Variants in FLNB observed in about 807,000 individuals in gnomAD.
The protein encoded by FLNB is filamin-B.
FLNB carries 111 observed loss-of-function variants against 250.6 expected under a neutral mutation model. That is an observed-to-expected ratio of 0.44 (90% CI 0.38 to 0.52). The LOEUF (loss-of-function observed/expected upper bound fraction) is 0.52, where lower values mean the gene tolerates loss of function less well. Among genes scored for constraint, FLNB ranks in the 20% least tolerant of loss-of-function variants. The pLI, the probability that FLNB is intolerant of heterozygous loss-of-function variation, is 0.00. For missense variants in FLNB, 2,869 were observed against 3,447.8 expected (o/e 0.83, Z 4.20); for synonymous variants, 1,302 against 1,372.1 (o/e 0.95, Z 1.13).
intron 4 of FLNB, among the ~76,000 whole-genome samples, chr3:58,092,235 T>C (rs758520145): frequency 1.4e-4 from 21 of 152,200 alleles, no homozygotes; most frequent in Non-Finnish European, 2.5e-4. Flanking sequence ...TTAATACTGA[T>C]AACACTAAAT....
intron 24 of FLNB, among the ~76,000 whole-genome samples, chr3:58,127,449 T>G (rs1347238963): frequency 6.6e-6 from 1 of 152,252 alleles, no homozygotes; most frequent in African/African-American, 2.4e-5. Context: ...ATATGCAGAT[T>G]CAAATTCTTT....
At position 58,168,485 on chromosome 3, in the gene FLNB, G is replaced by A; in HGVS notation, c.7244G>A (p.Gly2415Glu). 1 of 1,614,180 alleles carries A rather than the reference G, an allele frequency of 6.2e-7. No individual in the cohort carries two copies. The highest frequency in any genetic ancestry group is 8.5e-7 in the Non-Finnish European group (1 of 1,180,030). Reference protein sequence around the residue: ...FFINTTRAGPGTLSVTIEGPS... With the variant: ...FFINTTRAGPETLSVTIEGPS... ...ATTAACACCACCCGAGCAGGTCCAGGGACATTATCCGTCACCATCGAAGGC... is the reference window on the plus strand; with the variant it reads ...ATTAACACCACCCGAGCAGGTCCAGAGACATTATCCGTCACCATCGAAGGC... The change falls in exon 44 of 46, where the codon GGG (glycine) becomes GAG (glutamate). Residue 2415 changes from glycine (G) to glutamate (E), a missense_variant. Transcript: ENST00000295956.
intron 6 of FLNB, among the ~76,000 whole-genome samples, chr3:58,096,989 G>A (rs1382928514): frequency 6.6e-6 from 1 of 151,852 alleles, no homozygotes; most frequent in East Asian, 1.9e-4. Flanking sequence ...GCAGCCTTTC[G>A]AGTTCTGTTT....
intron 1 of FLNB, among the ~76,000 whole-genome samples, chr3:58,044,575 T>C (rs1247821471): frequency 1.3e-5 from 2 of 152,170 alleles, no homozygotes; most frequent in Admixed American, 1.3e-4. Flanking sequence ...CAGCAAGCTG[T>C]GATCACACCT....
At chr3:58,042,914 C>T (rs1213222869) in intron 1 of FLNB, among the ~76,000 whole-genome samples, 1 of 152,074 alleles carries the variant, frequency 6.6e-6, no homozygotes, top group East Asian at 1.9e-4. Flanking sequence ...TGATGGTTAG[C>T]AGGGTGCTGA....
rs79525716 is a variant in FLNB at position 58,054,078 on chromosome 3, A to C, written c.293-22968A>C. 9.5e-3 allele frequency among the ~76,000 whole-genome samples: 1,454 copies of C among 152,262 alleles called. 24 individuals are homozygous for C. Among genetic ancestry groups the C allele is most frequent in the East Asian group, 0.055 (285 of 5,186 alleles). On this transcript the variant is annotated intron_variant, in intron 1 of 45. Transcript: ENST00000295956. ...GGCAAAGAAGGGCCCAGTAGTGGGA[A>C]GTGCAGGAGTGTGAGAGTGCCTGGA...
intron 1 of FLNB, among the ~76,000 whole-genome samples, chr3:58,045,568 G>A (rs770476958): frequency 6.6e-6 from 1 of 152,220 alleles, no homozygotes; most frequent in African/African-American, 2.4e-5. Flanking sequence ...GAAGCCAAGA[G>A]ATTGGACACC....
intron 1 of FLNB, among the ~76,000 whole-genome samples, chr3:58,045,914 C>G (rs1156578404): frequency 1.3e-5 from 2 of 149,178 alleles, no homozygotes; most frequent in African/African-American, 5.0e-5. Context: ...GCAGGATAAT[C>G]CCTTGAACCC....
At chr3:58,087,089 G>A (rs985813814) in intron 4 of FLNB, among the ~76,000 whole-genome samples, 18 of 147,074 alleles carry the variant, frequency 1.2e-4, no homozygotes, top group African/African-American at 3.8e-4. Flanking sequence ...CCAGGCTGGC[G>A]ACAGAGCTAG....
intron 8 of FLNB, among the ~76,000 whole-genome samples, chr3:58,100,373 A>AAATATATATATATATATATAT: frequency 1.1e-3 from 114 of 104,334 alleles, no homozygotes; most frequent in African/African-American, 4.7e-3. Context: ...GTAAAAAAAA[A>AAATATATATATATATATATAT]ATATATATAT....
Position 58,043,639 on chromosome 3 carries a change from C to T in FLNB, c.293-33407C>T, listed in dbSNP as rs995371313. Among the ~76,000 whole-genome samples, 8 of 152,268 alleles carry T rather than the reference C, an allele frequency of 5.3e-5. No individual in the cohort carries two copies. The East Asian group carries it at 1.5e-3, about 29-fold the overall frequency. On this transcript the variant is annotated intron_variant, in intron 1 of 45. Coordinates refer to ENST00000295956, the MANE Select transcript of FLNB (RefSeq NM_001457.4). ...CATTCATTTTGGCTCTATGTGGTGG[C>T]AGAAGGGCTTCTGGCATCTCTGGAC...
intron 3 of FLNB, among the ~76,000 whole-genome samples, chr3:58,080,241 A>G (rs938782688): frequency 2.6e-5 from 4 of 152,202 alleles, no homozygotes; most frequent in African/African-American, 7.2e-5. Context: ...TGGGGAGGGA[A>G]GTTGGACACA....
At chr3:58,128,469 C>T (rs1165404497) in intron 24 of FLNB, among the ~76,000 whole-genome samples, 1 of 152,166 alleles carries the variant, frequency 6.6e-6, no homozygotes, top group Non-Finnish European at 1.5e-5. Context: ...TTCCTGCCCT[C>T]AGGGAGCTTA....
In FLNB at chr3:58,123,355, C is replaced by G. The variant is rs370774343; in HGVS notation, c.3389C>G (p.Pro1130Arg). 2 of 1,614,024 alleles carry G rather than the reference C, an allele frequency of 1.2e-6. No individual in the cohort carries two copies. The highest frequency in any genetic ancestry group is 1.7e-6 in the Non-Finnish European group (2 of 1,180,028). The change falls in exon 21 of 46, where the codon CCC becomes CGC. Residue 1130 changes from proline (P) to arginine (R), a missense_variant. Around this residue, in one of 5 missense-constraint regions of FLNB, gnomAD observed 1,348 missense variants for 1,466.7 expected, o/e 0.92. Coordinates refer to ENST00000295956, the MANE Select transcript of FLNB (RefSeq NM_001457.4). ...CCCTTCAAAGCTGACATTGAAATGC[C>G]CTTTGACCCCTCTAAAGTCGTGGCA... ...GSPFKADIEM[P>R]FDPSKVVASG... is the part of the protein sequence containing the mutation.
At chr3:58,047,870 G>A (rs773970803) in intron 1 of FLNB, among the ~76,000 whole-genome samples, 3 of 151,988 alleles carry the variant, frequency 2.0e-5, no homozygotes, top group Non-Finnish European at 2.9e-5. Context: ...GGCCACATGC[G>A]TGTTTTTTAT....
In FLNB at chr3:58,134,813, G is replaced by A. The variant is rs553592703; in HGVS notation, c.4671+41G>A. On this transcript the variant is annotated intron_variant, in intron 27 of 45. Coordinates refer to ENST00000295956, the MANE Select transcript of FLNB (RefSeq NM_001457.4). ...TTTCTGAGCCAAACCTTAATCCTAA[G>A]ACTTAATTTCTGGGCCAGATTTAAG... The A allele has an allele frequency of 4.1e-5, 65 of 1,584,552 alleles. No homozygotes were observed. The East Asian group carries it at 1.3e-3, about 32-fold the overall frequency.
At position 58,109,617 on chromosome 3, in the gene FLNB, GT is replaced by G; in HGVS notation, c.2244del (p.Phe748LeufsTer10). The G allele has an allele frequency of 1.2e-6, 2 of 1,614,202 alleles. No homozygotes were observed. Among genetic ancestry groups the G allele is most frequent in the Non-Finnish European group, 1.7e-6 (2 of 1,180,036 alleles). ...GTAGCCATCCTCAGAAGGTCAAAGT[GT>G]TTGGGCCAGGTGTGGAGAGAAGTGG... ...QGSHPQKVKVFGPGVERSGLK... is the reference protein window; with the variant it reads ...QGSHPQKVKVXGPGVERSGLK... On this transcript the variant is annotated frameshift_variant, in exon 15 of 46. Coordinates refer to ENST00000295956, the MANE Select transcript of FLNB (RefSeq NM_001457.4). LOFTEE classifies it high-confidence loss of function.
chr3:58,121,637 A>G, intron 20 of FLNB, 134 bp downstream of exon 20: 1 of 1,166,200 alleles, frequency 8.6e-7, no homozygotes, highest in African/African-American at 1.5e-5. Flanking sequence ...TCACTGTGAA[A>G]GGTCCCCTGG....
At chr3:58,114,669 G>T (rs1473461275) in intron 18 of FLNB, among the ~76,000 whole-genome samples, 1 of 151,080 alleles carries the variant, frequency 6.6e-6, no homozygotes, top group Non-Finnish European at 1.5e-5. Context: ...CAAGGGTCCT[G>T]GTTTCTCCAC....
Sources: gnomAD v4.1 joint callset for allele counts (sites outside exome capture counted in the v4.1 genomes callset) on GRCh38, gnomAD v4.1.1 for gene constraint, gnomAD v4.1.1 regional missense constraint, MANE v1.5 for transcripts, NCBI Gene and HGNC (gene_info 2026-07-23, HGNC 2026-07-21) for gene names.